SNX30: variants seen among roughly 807,000 people sequenced by gnomAD.
SNX30 encodes the protein sorting nexin-30.
In SNX30, 24 loss-of-function variants were observed where a neutral mutation model predicts 46.4. The ratio of observed to expected loss-of-function variants is 0.52; its 90% confidence interval spans 0.37 to 0.73. SNX30 has a LOEUF of 0.73. Among genes scored for constraint, SNX30 ranks in the 30% least tolerant of loss-of-function variants. SNX30 has a pLI of 0.00. For missense variants in SNX30, 533 were observed against 555.7 expected, an observed-to-expected ratio of 0.96 and a Z score of 0.41; for synonymous variants, 189 against 211.5, an observed-to-expected ratio of 0.89 and a Z score of 0.92.
At chr9:112,772,165 G>T (rs1472516864) in intron 1 of SNX30, among the ~76,000 whole-genome samples, 11 of 152,128 alleles carry the variant, frequency 7.2e-5, no homozygotes, top group Non-Finnish European at 1.5e-4. Context: ...GTTTCCTTTA[G>T]AACAATCCTT....
At chr9:112,861,513 TG>T (rs1248990048) in intron 7 of SNX30, among the ~76,000 whole-genome samples, 4 of 152,204 alleles carry the variant, frequency 2.6e-5, no homozygotes, top group African/African-American at 9.7e-5. Flanking sequence ...AGCTAAGCTC[TG>T]GAAGTTTGGT....
chr9:112,776,758 G>A (rs988617612), intron 1 of SNX30, among the ~76,000 whole-genome samples: 2 of 152,228 alleles, frequency 1.3e-5, no homozygotes, highest in Non-Finnish European at 2.9e-5. Flanking sequence ...TAGAGTCTAG[G>A]TCTTTGGAAC....
At chr9:112,841,506 G>A (rs1480110652) in intron 6 of SNX30, among the ~76,000 whole-genome samples, 1 of 152,158 alleles carries the variant, frequency 6.6e-6, no homozygotes, top group Non-Finnish European at 1.5e-5. Flanking sequence ...TCTGGGGAAG[G>A]GCATGGAAAA....
intron 5 of SNX30, 146 bp downstream of exon 5, chr9:112,836,555 G>A (rs548051061): frequency 2.9e-5 from 25 of 854,808 alleles, no homozygotes; most frequent in Non-Finnish European, 4.0e-5. Context: ...ACAAGGAGGG[G>A]AGGAGTTACT....
At position 112,758,371 on chromosome 9, in the gene SNX30, C is replaced by G. The variant is rs368984813; in HGVS notation, c.156+7214C>G. 4.6e-5 allele frequency among the ~76,000 whole-genome samples: 7 copies of G among 152,132 alleles called. No homozygotes were observed. The East Asian group carries it at 1.2e-3, about 25-fold the overall frequency. On this transcript the variant is annotated intron_variant, in intron 1 of 8. Transcript: ENST00000374232. ...TTGAGACAGTATCTGGCTTTGTCAC[C>G]CAGACTGGAGTGCAGTGGCACGATC... is the stretch of plus-strand genomic sequence containing the variant.
chr9:112,775,904 G>A lies in SNX30; in HGVS notation c.156+24747G>A, dbSNP rs1022744963. ...CACATAGAGATCTTCCTCCCCACTA[G>A]TTGCCTCAACACTCTTCCTTCATTT... On this transcript the variant is annotated intron_variant, in intron 1 of 8. Transcript: ENST00000374232. 3.3e-5 allele frequency among the ~76,000 whole-genome samples: 5 copies of A among 150,140 alleles called. No homozygotes were observed. The Admixed American group carries it at 3.3e-4, about 10-fold the overall frequency.
intron 5 of SNX30, among the ~76,000 whole-genome samples, chr9:112,837,706 A>T (rs1284262107): frequency 1.3e-5 from 2 of 150,220 alleles, no homozygotes; most frequent in South Asian, 2.1e-4. Context: ...CGATCTCCTG[A>T]CCCCATGATC....
chr9:112,879,216 T>C (rs1046585392), downstream of SNX30: 2 of 152,280 alleles, frequency 1.3e-5, no homozygotes, highest in Non-Finnish European at 2.9e-5. Context: ...GAAAGAAAGC[T>C]GACTTTTTTC....
At chr9:112,876,735 G>A (rs112888779), downstream of SNX30, among the ~76,000 whole-genome samples, 22 of 151,480 alleles carry the variant, frequency 1.5e-4, no homozygotes, top group African/African-American at 4.4e-4. Context: ...CCAGGAGTTC[G>A]AGACCGGCCT....
chr9:112,878,859 G>T (rs1324162555), downstream of SNX30: 1 of 152,158 alleles, frequency 6.6e-6, no homozygotes, highest in African/African-American at 2.4e-5. Flanking sequence ...TCCTGTATAA[G>T]AACATCAAGT....
At chr9:112,757,734 T>C (rs1839373086) in intron 1 of SNX30, among the ~76,000 whole-genome samples, 2 of 152,230 alleles carry the variant, frequency 1.3e-5, no homozygotes, top group African/African-American at 2.4e-5. Flanking sequence ...TTCTGTGACC[T>C]CTTGGATTCC....
rs552047704 is a variant in SNX30, at chr9:112,753,508, G to A, written c.156+2351G>A. ...AAGTGATTCTCGTGTCTCAGCTCCC[G>A]TATAGCTGTGATTACAGGCGTGTGC... is the stretch of plus-strand genomic sequence containing the variant. On this transcript the variant is annotated intron_variant, in intron 1 of 8. Coordinates refer to ENST00000374232, the MANE Select transcript of SNX30 (RefSeq NM_001012994.2). Among the ~76,000 whole-genome samples the A allele has an allele frequency of 1.2e-4, 18 of 152,270 alleles. No individual in the cohort carries two copies. The South Asian group carries it at 1.2e-3, about 11-fold the overall frequency.
At position 112,838,632 on chromosome 9, in the gene SNX30, G is replaced by T; in HGVS notation, c.949G>T (p.Asp317Tyr). Residue 317 changes from aspartate (D) to tyrosine (Y), a missense_variant, in exon 6 of 9, where the codon GAT becomes TAT. Transcript: ENST00000374232. ...CTCTACAGCCTTAGAAGAGCTGACA[G>T]ATGACATGACAGAAGACTTCCTACC... ...NCSTALEELT[D>Y]DMTEDFLPVL... 6.2e-7 allele frequency: 1 copy of T among 1,614,220 alleles called. No homozygotes were observed. Among genetic ancestry groups the T allele is most frequent in the Non-Finnish European group, 8.5e-7 (1 of 1,180,040 alleles).
intron 3 of SNX30, among the ~76,000 whole-genome samples, chr9:112,824,953 AC>A (rs1435845209): frequency 1.3e-5 from 2 of 151,944 alleles, no homozygotes; most frequent in Non-Finnish European, 2.9e-5. Context: ...CATTTTCATT[AC>A]CCCCAAAAGA....
intron 7 of SNX30, among the ~76,000 whole-genome samples, chr9:112,863,453 A>G (rs891002863): frequency 6.6e-6 from 1 of 152,252 alleles, no homozygotes; most frequent in South Asian, 2.1e-4. Flanking sequence ...CCAGCTGCAC[A>G]GGATGGTGAA....
At chr9:112,817,401 C>CTTTTTTTTGTTTTTTTTTTTT (rs1840414791) in intron 2 of SNX30, among the ~76,000 whole-genome samples, 1 of 46,832 alleles carries the variant, frequency 2.1e-5, no homozygotes, top group Admixed American at 4.3e-4. Context: ...AAAAAACTGG[C>CTTTTTTTTGTTTTTTTTTTTT]TTTTTTTTTT....
At chr9:112,811,497 T>C (rs1840318986) in intron 2 of SNX30, among the ~76,000 whole-genome samples, 1 of 152,170 alleles carries the variant, frequency 6.6e-6, no homozygotes, top group Non-Finnish European at 1.5e-5. Context: ...TGGAGTGCCC[T>C]GCTGGATGAC....
chr9:112,754,710 G>T (rs1390702052), intron 1 of SNX30, among the ~76,000 whole-genome samples: 1 of 152,014 alleles, frequency 6.6e-6, no homozygotes, highest in Non-Finnish European at 1.5e-5. Flanking sequence ...ACCTTATATG[G>T]CTATCTCCAT....
downstream of SNX30, among the ~76,000 whole-genome samples, chr9:112,884,545 C>G (rs149744880): frequency 1.1e-3 from 164 of 152,270 alleles, 1 homozygote; most frequent in African/African-American, 3.4e-3. Context: ...ACCTGGAGAG[C>G]TTTTAAAATT....
Sources: gnomAD v4.1 joint callset for allele counts (sites outside exome capture counted in the v4.1 genomes callset) on GRCh38, gnomAD v4.1.1 for gene constraint, MANE v1.5 for transcripts, NCBI Gene and HGNC (gene_info 2026-07-23, HGNC 2026-07-21) for gene names.